Variants in SH3GLB2 observed in about 807,000 individuals in gnomAD.
SH3GLB2 encodes the protein SH3 domain containing GRB2 like, endophilin B2.
SH3GLB2 carries 24 observed loss-of-function variants against 48.0 expected under a neutral mutation model. That is an observed-to-expected ratio of 0.50 (90% CI 0.36 to 0.70). SH3GLB2 has a LOEUF of 0.70. SH3GLB2 is among the 30% of genes least tolerant of loss of function. SH3GLB2 has a pLI of 0.00. For missense variants in SH3GLB2, 425 were observed against 516.0 expected (o/e 0.82, Z 1.71); for synonymous variants, 227 against 207.6 (o/e 1.09, Z -0.80).
rs1175059221 is a variant in SH3GLB2 at position 129,023,028 on chromosome 9, T to TA, written c.64-606dup. On this transcript the variant is annotated intron_variant, in intron 1 of 10. Coordinates refer to ENST00000372564, the MANE Select transcript of SH3GLB2 (RefSeq NM_020145.4). ...GGTTTCCTGAGCTGAAAAAAGGGAATAATAGCACCTCCCCCATAGGTTATG... is the reference window on the plus strand; with the variant it reads ...GGTTTCCTGAGCTGAAAAAAGGGAATAAATAGCACCTCCCCCATAGGTTATG... Among the ~76,000 whole-genome samples the TA allele has an allele frequency of 1.1e-4, 16 of 152,116 alleles. No individual in the cohort carries two copies. In the East Asian group the frequency reaches 3.1e-3, roughly 29 times the overall value.
At chr9:129,022,241 CA>C in intron 2 of SH3GLB2, 40 bp downstream of exon 2, 1 of 1,606,344 alleles carries the variant, frequency 6.2e-7, no homozygotes, top group South Asian at 1.1e-5. Flanking sequence ...ATCCCTGCCC[CA>C]CGACTACATC....
chr9:129,021,570 G>A lies in SH3GLB2; in HGVS notation c.206-351C>T, dbSNP rs540733435. On this transcript the variant is annotated intron_variant, in intron 2 of 10. Transcript: ENST00000372564. The stretch of plus-strand genomic sequence containing the variant: ...ACCCGGAGCCACCCTCCTTTCCCCG[G>A]AAGTCCTGCAGGTCGCTTCTGCTTG... Among the ~76,000 whole-genome samples, 16 of 151,916 alleles carry A rather than the reference G, an allele frequency of 1.1e-4. No homozygotes were observed. In the South Asian group the frequency reaches 2.9e-3, roughly 28 times the overall value.
At chr9:129,010,929 C>G (rs1843084002) in intron 6 of SH3GLB2, 1 of 583,464 alleles carries the variant, frequency 1.7e-6, no homozygotes, top group Non-Finnish European at 3.1e-6. Context: ...AGGAGTCCTG[C>G]TTATATTTCT....
intron 1 of SH3GLB2, among the ~76,000 whole-genome samples, chr9:129,024,847 G>A (rs1472744524): frequency 6.6e-6 from 1 of 151,528 alleles, no homozygotes; most frequent in Non-Finnish European, 1.5e-5. Flanking sequence ...GCAGGCGCCT[G>A]TAATCCCAGC....
intron 1 of SH3GLB2, among the ~76,000 whole-genome samples, chr9:129,023,873 C>G (rs896500187): frequency 1.1e-4 from 17 of 152,238 alleles, no homozygotes; most frequent in African/African-American, 3.9e-4. Context: ...GTCACACTCC[C>G]CAAAATGAGA....
At chr9:129,016,342 TAAAAAAAAAAAA>T (rs57505648) in intron 3 of SH3GLB2, among the ~76,000 whole-genome samples, 53 of 34,074 alleles carry the variant, frequency 1.6e-3, no homozygotes, top group East Asian at 2.3e-3. Flanking sequence ...AGACTGTCTT[TAAAAAAAAAAAA>T]AAAAAAAAAA....
In SH3GLB2 at chr9:129,028,085, G is replaced by A; in HGVS notation, c.63+7C>T. The A allele has an allele frequency of 6.7e-7, 1 of 1,503,194 alleles. No homozygotes were observed. 93.1% of individuals were successfully genotyped at this position (1,503,194 alleles called of 1,614,324 possible). On this transcript the variant is annotated splice_region_variant and intron_variant, in intron 1 of 10. Transcript: ENST00000372564. ...CCCCCGGCGCACGGCGCGACGCCAG[G>A]CCTCACCTGCACCGCCCGGGTGAAG... is the stretch of plus-strand genomic sequence containing the variant.
Position 129,022,364 on chromosome 9 carries a change from G to A in SH3GLB2, c.123C>T (p.Asn41=). 1.2e-6 allele frequency: 2 copies of A among 1,613,800 alleles called. No individual in the cohort carries two copies. Among genetic ancestry groups the A allele is most frequent in the Non-Finnish European group, 8.5e-7 (1 of 1,179,882 alleles). ...EKTELDAHFE[N]LLARADSTKN... The stretch of plus-strand genomic sequence containing the variant: ...TGGTGCTGTCTGCCCGGGCCAGAAG[G>A]TTTTCAAAGTGGGCATCAAGCTCAG... Residue 41 remains asparagine, a synonymous_variant, in exon 2 of 11, where the codon AAC becomes AAT. Coordinates refer to ENST00000372564, the MANE Select transcript of SH3GLB2 (RefSeq NM_020145.4).
intron 9 of SH3GLB2, 160 bp from the exon 10 acceptor site, chr9:129,009,506 G>T (rs1418365853): frequency 3.9e-6 from 6 of 1,548,494 alleles, no homozygotes; most frequent in Non-Finnish European, 5.2e-6. Context: ...AGGGAAGGGT[G>T]AGATGGCCCC....
At chr9:129,008,976 T>A (rs958393862) in intron 10 of SH3GLB2, 130 bp downstream of exon 10, 1 of 1,454,390 alleles carries the variant, frequency 6.9e-7, no homozygotes, top group Non-Finnish European at 9.3e-7. Flanking sequence ...CAGAGCTGGA[T>A]ATGCCCTCTT....
At chr9:129,009,946 C>G (rs892828356) in intron 8 of SH3GLB2, 75 bp from the exon 9 acceptor site, 1 of 1,457,694 alleles carries the variant, frequency 6.9e-7, no homozygotes. Flanking sequence ...CATCCCCGTC[C>G]TCTACCAGAC....
In SH3GLB2 at chr9:129,008,572, G is replaced by T; in HGVS notation, c.*112C>A. Reference sequence around the variant, plus strand: ...TGACTAGGGGCAGGGACAGAATGGGGTGAATTCTCCCCACTCTGAACAACT... The same window carrying T: ...TGACTAGGGGCAGGGACAGAATGGGTTGAATTCTCCCCACTCTGAACAACT... On this transcript the variant is annotated 3_prime_UTR_variant, in exon 11 of 11. Transcript: ENST00000372564. The T allele has an allele frequency of 1.2e-6, 1 of 820,340 alleles. No homozygotes were observed. Among genetic ancestry groups the T allele is most frequent in the Non-Finnish European group, 2.0e-6 (1 of 501,238 alleles). The allele number at this position is 820,340 out of a possible 1,614,324, so 50.8% of individuals were successfully genotyped here. A position where few individuals can be genotyped will look rare whatever the true frequency, so the allele number is the denominator to read the frequency against.
Position 129,028,126 on chromosome 9 carries a change from G to A in SH3GLB2, c.29C>T (p.Ser10Leu). The A allele has an allele frequency of 4.0e-6, 6 of 1,497,060 alleles. No homozygotes were observed. The South Asian group carries it at 5.0e-5, about 13-fold the overall frequency. 92.7% of individuals were successfully genotyped at this position (1,497,060 alleles called of 1,614,324 possible). A position where few individuals can be genotyped will look rare whatever the true frequency, so the allele number is the denominator to read the frequency against. MDFNMKKLASDAGIFFTRAV... is the reference protein window; with the variant it reads MDFNMKKLALDAGIFFTRAV... The stretch of plus-strand genomic sequence containing the variant: ...CCGGGTGAAGAAGATGCCCGCGTCC[G>A]ACGCCAGCTTCTTCATGTTGAAGTC... Residue 10 changes from serine (S) to leucine (L), a missense_variant, in exon 1 of 11, where the codon TCG (serine) becomes TTG (leucine). By Grantham distance (145) the Ser-to-Leu change is moderately radical. Transcript: ENST00000372564.
chr9:129,026,580 C>A (rs1305737634), intron 1 of SH3GLB2, among the ~76,000 whole-genome samples: 1 of 147,884 alleles, frequency 6.8e-6, no homozygotes, highest in African/African-American at 2.4e-5. Context: ...TGACTGCTGG[C>A]TCCCACTCCA....
At chr9:129,009,951 C>A in intron 8 of SH3GLB2, 80 bp from the exon 9 acceptor site, 1 of 1,442,032 alleles carries the variant, frequency 6.9e-7, no homozygotes, top group Middle Eastern at 1.7e-4. Context: ...CCGTCCTCTA[C>A]CAGACCTTGC....
intron 1 of SH3GLB2, among the ~76,000 whole-genome samples, chr9:129,024,644 G>A (rs1020239878): frequency 2.0e-5 from 3 of 151,574 alleles, no homozygotes; most frequent in Non-Finnish European, 2.9e-5. Context: ...CCCAGGAGGC[G>A]GAGGTTGCAA....
At position 129,014,291 on chromosome 9, in the gene SH3GLB2, C is replaced by T. The variant is rs534253017; in HGVS notation, c.561+120G>A. ...CTCAGCCCAGCAGCCCCCAGCCAGG[C>T]ATCTCCAGCCAGGGAGAGGGGAGAG... On this transcript the variant is annotated intron_variant, in intron 5 of 10. Transcript: ENST00000372564. The surrounding 1 kb of genome is among the most constrained non-coding windows in gnomAD (Gnocchi z 4.1). 1.0e-4 allele frequency: 93 copies of T among 924,748 alleles called. No homozygotes were observed. The South Asian group carries it at 1.4e-3, about 14-fold the overall frequency. 57.3% of individuals were successfully genotyped at this position (924,748 alleles called of 1,614,324 possible).
chr9:129,021,567 C>A (rs1588333601), intron 2 of SH3GLB2, among the ~76,000 whole-genome samples: 1 of 151,864 alleles, frequency 6.6e-6, no homozygotes, highest in African/African-American at 2.4e-5. Context: ...CCTCCTTTCC[C>A]CGGAAGTCCT....
At chr9:129,016,235 T>C (rs1162549284) in intron 3 of SH3GLB2, among the ~76,000 whole-genome samples, 2 of 148,330 alleles carry the variant, frequency 1.3e-5, no homozygotes, top group Non-Finnish European at 3.0e-5. Context: ...TCCAGCTACT[T>C]GGGAGACTGA....
Sources: allele counts gnomAD v4.1 joint callset (sites outside exome capture counted in the v4.1 genomes callset), GRCh38; gene constraint gnomAD v4.1.1; non-coding constraint Gnocchi (gnomAD v3.1); transcripts MANE v1.5; gene names NCBI Gene and HGNC (gene_info 2026-07-23, HGNC 2026-07-21).